The following DDX4 variants were observed in gnomAD, a reference collection of about 807,000 sequenced individuals.
DDX4 encodes probable ATP-dependent RNA helicase DDX4.
Under a neutral mutation model 100.0 loss-of-function variants are expected in DDX4, and 25 were observed. The ratio of observed to expected loss-of-function variants is 0.25; its 90% CI spans 0.18 to 0.35. The LOEUF (loss-of-function observed/expected upper bound fraction) is 0.35, where lower values mean the gene tolerates loss of function less well. Among genes scored for constraint, DDX4 ranks in the 10% least tolerant of loss-of-function variants. The probability of loss-of-function intolerance (pLI) is 1.00; values close to 1 mark genes in which losing one functional copy is unlikely to be tolerated. For synonymous variants in DDX4, 259 were observed against 275.7 expected, an observed-to-expected ratio of 0.94 and a Z score of 0.60; for missense variants, 635 against 882.4, an observed-to-expected ratio of 0.72 and a Z score of 3.55.
intron 7 of DDX4, among the ~76,000 whole-genome samples, chr5:55,778,066 A>G (rs1330832580): frequency 6.6e-6 from 1 of 152,170 alleles, no homozygotes; most frequent in Admixed American, 6.5e-5. Context: ...TCCAGCATGT[A>G]TGGAAAATAT....
chr5:55,783,951 TTTACA>T (rs1421758804), intron 10 of DDX4, among the ~76,000 whole-genome samples: 1 of 152,052 alleles, frequency 6.6e-6, no homozygotes, highest in Non-Finnish European at 1.5e-5. Flanking sequence ...CAACTCATCA[TTTACA>T]TTAGGTATTT....
chr5:55,781,314 T>C (rs763492964), intron 9 of DDX4, among the ~76,000 whole-genome samples, 168 bp downstream of exon 9: 1 of 152,218 alleles, frequency 6.6e-6, no homozygotes, highest in Non-Finnish European at 1.5e-5. Context: ...CCTTATAAAA[T>C]TTGTGCAATG....
intron 2 of DDX4, among the ~76,000 whole-genome samples, chr5:55,740,289 C>A (rs1208842936): frequency 1.3e-5 from 2 of 152,068 alleles, no homozygotes; most frequent in African/African-American, 4.8e-5. Flanking sequence ...CCTGCCTCAA[C>A]CTCCCTCAGC....
At chr5:55,805,321 C>G (rs1432816562) in intron 18 of DDX4, among the ~76,000 whole-genome samples, 2 of 151,842 alleles carry the variant, frequency 1.3e-5, no homozygotes, top group Admixed American at 1.3e-4. Flanking sequence ...TTATTTCCTT[C>G]TCCTGCCTAA....
Position 55,740,492 on chromosome 5 carries a change from A to G in DDX4, c.69+1460A>G, listed in dbSNP as rs541642348. Among the ~76,000 whole-genome samples, 4 of 149,554 alleles carry G rather than the reference A, an allele frequency of 2.7e-5. No individual in the cohort carries two copies. The South Asian group carries it at 6.3e-4, about 24-fold the overall frequency. On this transcript the variant is annotated intron_variant, in intron 2 of 21. Coordinates refer to ENST00000505374, the MANE Select transcript of DDX4 (RefSeq NM_024415.3). Reference sequence around the variant, plus strand: ...AAACATGTTTTATATAGTTTTGATGATAGTATATAACAGTAATTTTTTTTT... The same window carrying G: ...AAACATGTTTTATATAGTTTTGATGGTAGTATATAACAGTAATTTTTTTTT...
At chr5:55,765,413 A>AAAAAAAATAT (rs1392558099) in intron 6 of DDX4, among the ~76,000 whole-genome samples, 2 of 83,040 alleles carry the variant, frequency 2.4e-5, no homozygotes, top group East Asian at 3.9e-4. Context: ...AAAAAAAAAA[A>AAAAAAAATAT]ATATATATAT....
intron 6 of DDX4, chr5:55,766,797 ATC>A: frequency 1.0e-6 from 1 of 989,614 alleles, no homozygotes; most frequent in Non-Finnish European, 1.4e-6. Flanking sequence ...ATGTACAAAG[ATC>A]CCTTGAAACC....
At chr5:55,783,404 T>G (rs1440232532) in intron 10 of DDX4, among the ~76,000 whole-genome samples, 2 of 151,908 alleles carry the variant, frequency 1.3e-5, no homozygotes, top group Non-Finnish European at 2.9e-5. Context: ...ATGTTACATC[T>G]CATTAGCTTT....
At chr5:55,763,117 TG>T in intron 4 of DDX4, 57 bp from the exon 5 acceptor site, 9 of 1,136,932 alleles carry the variant, frequency 7.9e-6, no homozygotes, top group Non-Finnish European at 1.2e-5. Context: ...TCTTAGTTTT[TG>T]ATGATGACAC....
intron 17 of DDX4, among the ~76,000 whole-genome samples, chr5:55,794,278 C>T (rs1308774457): frequency 6.6e-6 from 1 of 151,380 alleles, no homozygotes; most frequent in Non-Finnish European, 1.5e-5. Context: ...ACCTCAATCT[C>T]CCGGGTTCAA....
chr5:55,746,689 G>A (rs1318130172), intron 3 of DDX4, among the ~76,000 whole-genome samples: 1 of 152,156 alleles, frequency 6.6e-6, no homozygotes, highest in Non-Finnish European at 1.5e-5. Context: ...CAATAAAAAC[G>A]TGTCAAGGTA....
At chr5:55,786,125 C>CTTA (rs1742230574) in intron 13 of DDX4, among the ~76,000 whole-genome samples, 1 of 152,146 alleles carries the variant, frequency 6.6e-6, no homozygotes, top group Non-Finnish European at 1.5e-5. Flanking sequence ...AAATGCTTTT[C>CTTA]CTAGTGATTC....
Position 55,816,611 on chromosome 5 carries a change from C to G in DDX4, c.*71C>G. 6.4e-7 allele frequency: 1 copy of G among 1,572,094 alleles called. No homozygotes were observed. Among genetic ancestry groups the G allele is most frequent in the Non-Finnish European group, 8.7e-7 (1 of 1,155,996 alleles). Reference sequence around the variant, plus strand: ...ATAGTTTTGATTTTTGAGTTTTTAACAGAAGTATAAAACTTAACATTCTCA... The same window carrying G: ...ATAGTTTTGATTTTTGAGTTTTTAAGAGAAGTATAAAACTTAACATTCTCA... On this transcript the variant is annotated 3_prime_UTR_variant, in exon 22 of 22. Coordinates refer to ENST00000505374, the MANE Select transcript of DDX4 (RefSeq NM_024415.3).
chr5:55,750,678 G>A (rs567308042), intron 3 of DDX4, among the ~76,000 whole-genome samples: 3 of 152,124 alleles, frequency 2.0e-5, no homozygotes, highest in Non-Finnish European at 2.9e-5. Flanking sequence ...GACATGAGCC[G>A]GGCAGCATCA....
At position 55,781,939 on chromosome 5, in the gene DDX4, G is replaced by T. The variant is rs778381490; in HGVS notation, c.583G>T (p.Gly195Cys). 6.2e-7 allele frequency: 1 copy of T among 1,614,030 alleles called. No individual in the cohort carries two copies. The highest frequency in any genetic ancestry group is 8.5e-7 in the Non-Finnish European group (1 of 1,179,980). ...RRPVLSGTGN[G>C]DTSQSRSGSG... ...TGTGAAACAATGCCTTACAGGTAAT[G>T]GTGATACTTCTCAAAGCAGAAGTGG... Residue 195 changes from glycine (G) to cysteine (C), a missense_variant, in exon 10 of 22, where the codon GGT becomes TGT. By Grantham distance (159) the Gly-to-Cys change is radical (BLOSUM62 -3). Coordinates refer to ENST00000505374, the MANE Select transcript of DDX4 (RefSeq NM_024415.3).
At chr5:55,747,848 A>G (rs959886609) in intron 3 of DDX4, among the ~76,000 whole-genome samples, 2 of 152,216 alleles carry the variant, frequency 1.3e-5, no homozygotes, top group Non-Finnish European at 2.9e-5. Context: ...GCAGACTAGC[A>G]TAAGGAAGAG....
chr5:55,774,575 A>G (rs1254241403), intron 7 of DDX4, among the ~76,000 whole-genome samples: 1 of 152,202 alleles, frequency 6.6e-6, no homozygotes, highest in Admixed American at 6.5e-5. Flanking sequence ...TGGTGTTATA[A>G]CTAGAAAACT....
At chr5:55,782,006 A>T (rs1346482137) in intron 10 of DDX4, 25 bp downstream of exon 10, 1 of 1,612,888 alleles carries the variant, frequency 6.2e-7, no homozygotes. Context: ...TGTTTACCCG[A>T]AAGAAGTTAA....
chr5:55,753,011 G>A (rs1425790424), intron 3 of DDX4, among the ~76,000 whole-genome samples: 1 of 151,472 alleles, frequency 6.6e-6, no homozygotes, highest in Non-Finnish European at 1.5e-5. Context: ...CATGTCCTTT[G>A]CCCACTTTTT....
Sources: gnomAD v4.1 joint callset for allele counts (sites outside exome capture counted in the v4.1 genomes callset) on GRCh38, gnomAD v4.1.1 for gene constraint, MANE v1.5 for transcripts, NCBI Gene and HGNC (gene_info 2026-07-23, HGNC 2026-07-21) for gene names.